The following TRHDE variants were observed in gnomAD, a reference collection of about 807,000 sequenced individuals.
TRHDE encodes the protein thyrotropin releasing hormone degrading enzyme, also known as thyrotropin-releasing hormone-degrading ectoenzyme.
TRHDE carries 72 observed loss-of-function variants against 125.7 expected under a neutral mutation model. The observed-to-expected ratio is 0.57, with a 90% CI of 0.47 to 0.70. The LOEUF (loss-of-function observed/expected upper bound fraction) is 0.70. TRHDE is among the 30% of genes least tolerant of loss of function. The pLI is 0.00. For missense variants in TRHDE, 1,110 were observed against 1,327.1 expected (o/e 0.84, Z 2.54); for synonymous variants, 509 against 509.1 (o/e 1.00, Z 0.00).
At chr12:72,419,874 C>T (rs192150576) in intron 3 of TRHDE, among the ~76,000 whole-genome samples, 5 of 152,098 alleles carry the variant, frequency 3.3e-5, no homozygotes, top group African/African-American at 1.2e-4. Flanking sequence ...TGAATTGTAT[C>T]CCAGTGAATT....
At chr12:72,572,750 T>C (rs374091453) in intron 10 of TRHDE, among the ~76,000 whole-genome samples, 1 of 152,070 alleles carries the variant, frequency 6.6e-6, no homozygotes, top group East Asian at 1.9e-4. Context: ...ACAGCAATTA[T>C]TTTCCTATTT....
intron 2 of TRHDE, among the ~76,000 whole-genome samples, chr12:72,178,241 G>A (rs528702615): frequency 2.0e-5 from 3 of 152,174 alleles, no homozygotes; most frequent in African/African-American, 7.2e-5. Flanking sequence ...ATTGTACTGT[G>A]TATTAGGATA....
chr12:72,373,751 G>A (rs536377890), intron 2 of TRHDE, among the ~76,000 whole-genome samples: 2 of 152,118 alleles, frequency 1.3e-5, no homozygotes, highest in African/African-American at 4.8e-5. Context: ...ATCCTTGATC[G>A]AGAATCTCTC....
At chr12:72,448,243 T>C (rs116916652) in intron 3 of TRHDE, among the ~76,000 whole-genome samples, 357 of 152,226 alleles carry the variant, frequency 2.3e-3, no homozygotes, top group Non-Finnish European at 4.3e-3. Flanking sequence ...GTTGCCATCA[T>C]AGATTTGTGC....
intron 3 of TRHDE, among the ~76,000 whole-genome samples, chr12:72,455,984 T>A (rs1444356427): frequency 6.6e-6 from 1 of 151,732 alleles, no homozygotes; most frequent in Non-Finnish European, 1.5e-5. Context: ...ACATATATAT[T>A]TCCTATACAT....
At chr12:72,289,974 G>A (rs752010556) in intron 2 of TRHDE, among the ~76,000 whole-genome samples, 4 of 152,184 alleles carry the variant, frequency 2.6e-5, no homozygotes, top group Non-Finnish European at 4.4e-5. Flanking sequence ...CCAGAGGGTA[G>A]CCTAGGACTG....
At chr12:72,571,974 AAC>A (rs59206098) in intron 10 of TRHDE, among the ~76,000 whole-genome samples, 16,718 of 127,306 alleles carry the variant, frequency 0.13, 1,368 homozygotes, top group African/African-American at 0.24. Flanking sequence ...TGACTCTGCA[AAC>A]ACACACACAC....
chr12:72,527,758 CAAT>C lies in TRHDE; in HGVS notation c.1723-14531_1723-14529del, dbSNP rs2135970444. ...TATGCTATATGTATTTTATACACATCAATATTATATACATCAACATACACAATA... is the reference window on the plus strand; with the variant it reads ...TATGCTATATGTATTTTATACACATCATTATATACATCAACATACACAATA... On this transcript the variant is annotated intron_variant, in intron 6 of 18. Coordinates refer to ENST00000261180, the MANE Select transcript of TRHDE (RefSeq NM_013381.3). 1.3e-5 allele frequency among the ~76,000 whole-genome samples: 2 copies of C among 151,996 alleles called. 1 individual carries two copies. Among genetic ancestry groups the C allele is most frequent in the South Asian group, 4.1e-4 (2 of 4,822 alleles).
chr12:72,524,745 G>T (rs536618533), intron 6 of TRHDE, among the ~76,000 whole-genome samples: 1 of 152,168 alleles, frequency 6.6e-6, no homozygotes, highest in Non-Finnish European at 1.5e-5. Context: ...AGTATACTAT[G>T]CTTTTGTCCT....
chr12:72,277,997 AT>A (rs1879553176), intron 1 of TRHDE, among the ~76,000 whole-genome samples: 1 of 152,266 alleles, frequency 6.6e-6, no homozygotes, highest in African/African-American at 2.4e-5. Flanking sequence ...ATATATTGTC[AT>A]TAATTATAGT....
At chr12:72,434,925 T>C (rs1874670547) in intron 3 of TRHDE, among the ~76,000 whole-genome samples, 1 of 152,226 alleles carries the variant, frequency 6.6e-6, no homozygotes, top group African/African-American at 2.4e-5. Context: ...AGTTGTTCTT[T>C]GAACTACAGA....
intron 5 of TRHDE, among the ~76,000 whole-genome samples, chr12:72,496,283 G>C (rs1413353758): frequency 6.6e-6 from 1 of 151,984 alleles, no homozygotes; most frequent in Non-Finnish European, 1.5e-5. Context: ...ATTTATATTA[G>C]TCTGTTCTCA....
chr12:72,467,667 T>G (rs573798401), intron 3 of TRHDE, among the ~76,000 whole-genome samples: 1 of 152,082 alleles, frequency 6.6e-6, no homozygotes, highest in Non-Finnish European at 1.5e-5. Context: ...ATACAAAAAT[T>G]AGCTGGGCAT....
intron 1 of TRHDE, among the ~76,000 whole-genome samples, chr12:72,282,960 C>T (rs765026001): frequency 6.6e-6 from 1 of 152,122 alleles, no homozygotes; most frequent in Non-Finnish European, 1.5e-5. Flanking sequence ...CTTCAAGGCA[C>T]AAGACAGTCC....
chr12:72,656,996 T>G lies in TRHDE; in HGVS notation c.3054T>G (p.Gly1018=). 6.3e-7 allele frequency: 1 copy of G among 1,597,250 alleles called. No homozygotes were observed. The highest frequency in any genetic ancestry group is 1.1e-5 in the South Asian group (1 of 90,322). Residue 1018 remains glycine (G), a synonymous_variant, in exon 18 of 19, where the codon GGT becomes GGG. Coordinates refer to ENST00000261180, the MANE Select transcript of TRHDE (RefSeq NM_013381.3). ...TCACAGAATTTCTTAATACTGAAGGTGAACTCAAAGAGGTAAATATTTTAA... is the reference window on the plus strand; with the variant it reads ...TCACAGAATTTCTTAATACTGAAGGGGAACTCAAAGAGGTAAATATTTTAA... ...SGVTEFLNTE[G]ELKELKNFMK...
chr12:72,628,587 A>G (rs1273676440), intron 15 of TRHDE, among the ~76,000 whole-genome samples: 2 of 151,894 alleles, frequency 1.3e-5, no homozygotes. Flanking sequence ...TAAGTTGATT[A>G]TGCTCCTTCA....
Position 72,211,562 on chromosome 12 carries a change from T to C in TRHDE, n.279+105810T>C, listed in dbSNP as rs561299432. 1.4e-4 allele frequency among the ~76,000 whole-genome samples: 21 copies of C among 152,302 alleles called. No individual in the cohort carries two copies. In the South Asian group the frequency reaches 4.3e-3, roughly 32 times the overall value. ...ACAACAGTGTACCATTTCTAAAATA[T>C]TCAGAGGTGTTGATAATACATATTA... is the stretch of plus-strand genomic sequence containing the variant. On this transcript the variant is annotated intron_variant and non_coding_transcript_variant, in intron 2 of 4. Coordinates refer to the TRHDE transcript ENST00000548156.
At chr12:72,662,979 C>T in intron 18 of TRHDE, 73 bp from the exon 19 acceptor site, 2 of 1,440,428 alleles carry the variant, frequency 1.4e-6, no homozygotes, top group Non-Finnish European at 1.9e-6. Context: ...CAAATAGATT[C>T]TTGTTCATGT....
intron 7 of TRHDE, among the ~76,000 whole-genome samples, chr12:72,554,158 A>G (rs1869812603): frequency 6.6e-6 from 1 of 152,004 alleles, no homozygotes; most frequent in Non-Finnish European, 1.5e-5. Context: ...AAGTCCATAT[A>G]ATTTTCTTAT....
Sources: allele counts gnomAD v4.1 joint callset (sites outside exome capture counted in the v4.1 genomes callset), GRCh38; gene constraint gnomAD v4.1.1; transcripts MANE v1.5; gene names NCBI Gene and HGNC (gene_info 2026-07-23, HGNC 2026-07-21).